Variants in CHRNB4 observed in about 807,000 individuals in gnomAD.
CHRNB4 encodes the protein neuronal acetylcholine receptor subunit beta-4.
CHRNB4 carries 23 observed loss-of-function variants against 40.4 expected under a neutral mutation model. The observed-to-expected ratio is 0.57, with a 90% CI of 0.41 to 0.81. The LOEUF is 0.81. Among genes scored for constraint, CHRNB4 ranks in the 30% least tolerant of loss-of-function variants. CHRNB4 has a pLI of 0.00. For synonymous variants in CHRNB4, 285 were observed against 274.4 expected, an observed-to-expected ratio of 1.04 and a Z score of -0.38; for missense variants, 568 against 670.6, an observed-to-expected ratio of 0.85 and a Z score of 1.69.
chr15:78,625,298 GCAGA>G lies in CHRNB4; in HGVS notation c.1339-11_1339-8del, dbSNP rs2053627063. On this transcript the variant is annotated splice_polypyrimidine_tract_variant and splice_region_variant and intron_variant, in intron 5 of 5. Transcript: ENST00000261751. The stretch of plus-strand genomic sequence containing the variant: ...ACTTCCAGTCCTCAACGACCTGCAG[GCAGA>G]CAGAGGAGTTGGTCACAGGTGCCAA... The G allele has an allele frequency of 2.0e-6, 3 of 1,528,668 alleles. No individual in the cohort carries two copies. Among genetic ancestry groups the G allele is most frequent in the Non-Finnish European group, 2.6e-6 (3 of 1,140,146 alleles). 94.7% of individuals were successfully genotyped at this position (1,528,668 alleles called of 1,614,324 possible). A position where few individuals can be genotyped will look rare whatever the true frequency, so the allele number is the denominator to read the frequency against.
intron 5 of CHRNB4, among the ~76,000 whole-genome samples, chr15:78,654,300 T>C (rs2054195215): frequency 6.6e-6 from 1 of 152,228 alleles, no homozygotes; most frequent in African/African-American, 2.4e-5. Flanking sequence ...TCTGCCCTGA[T>C]GGGGTCTGAT....
At position 78,641,176 on chromosome 15, in the gene CHRNB4, G is replaced by T. The variant is rs371853459; in HGVS notation, c.-43C>A. ...GGCAGCCGCCGCGAGCTCCGCTGTG[G>T]GGTCACAGGGCACCCGTGAGCCGCG... On this transcript the variant is annotated 5_prime_UTR_variant, in exon 1 of 6. Transcript: ENST00000261751. The T allele has an allele frequency of 4.6e-6, 7 of 1,515,492 alleles. No individual in the cohort carries two copies. The highest frequency in any genetic ancestry group is 6.2e-6 in the Non-Finnish European group (7 of 1,132,186). 93.9% of individuals were successfully genotyped at this position (1,515,492 alleles called of 1,614,324 possible).
At chr15:78,654,586 T>C (rs927409793) in intron 5 of CHRNB4, among the ~76,000 whole-genome samples, 1 of 152,074 alleles carries the variant, frequency 6.6e-6, no homozygotes, top group African/African-American at 2.4e-5. Flanking sequence ...AGATCAAGAG[T>C]ATCTTCCGTG....
Position 78,641,062 on chromosome 15 carries a change from C to T in CHRNB4, c.55+17G>A, listed in dbSNP as rs764612553. 13 of 1,567,518 alleles carry T rather than the reference C, an allele frequency of 8.3e-6. No homozygotes were observed. In the Admixed American group the frequency reaches 9.4e-5, roughly 11 times the overall value. Reference sequence around the variant, plus strand: ...CCAACCCAGGCGCCCCTCCCTCCTTCCCCGAAAAGAACTCACCGCGCCCGC... The same window carrying T: ...CCAACCCAGGCGCCCCTCCCTCCTTTCCCGAAAAGAACTCACCGCGCCCGC... On this transcript the variant is annotated intron_variant, in intron 1 of 5. Coordinates refer to ENST00000261751, the MANE Select transcript of CHRNB4 (RefSeq NM_000750.5).
Position 78,631,182 on chromosome 15 carries a change from A to C in CHRNB4, c.253T>G (p.Trp85Gly). The change falls in exon 4 of 6, where the codon TGG (tryptophan) becomes GGG (glycine). Residue 85 changes from tryptophan to glycine, a missense_variant. Physicochemically the swap from Trp to Gly is radical, Grantham distance 184. This residue lies in a region of CHRNB4 where 161 missense variants were observed against 148.1 expected (regional missense o/e 1.09). Coordinates refer to ENST00000261751, the MANE Select transcript of CHRNB4 (RefSeq NM_000750.5). ...MTTNVWLKQE[W>G]TDYRLTWNSS... ...TTCCAGGTCAGGCGGTAATCAGTCC[A>C]TTCCTGGACAGACAGGCAAGGCCCT... 6.2e-7 allele frequency: 1 copy of C among 1,614,172 alleles called. No homozygotes were observed. Among genetic ancestry groups the C allele is most frequent in the African/African-American group, 1.3e-5 (1 of 75,050 alleles).
At chr15:78,656,959 A>G (rs2054218966) in intron 3 of CHRNB4, among the ~76,000 whole-genome samples, 1 of 152,168 alleles carries the variant, frequency 6.6e-6, no homozygotes, top group Non-Finnish European at 1.5e-5. Flanking sequence ...CCAGGCATGT[A>G]TCTCTCATAA....
At chr15:78,636,172 G>GC (rs2053945793) in intron 1 of CHRNB4, among the ~76,000 whole-genome samples, 1 of 152,142 alleles carries the variant, frequency 6.6e-6, no homozygotes, top group South Asian at 2.1e-4. Flanking sequence ...CACTCAAAGT[G>GC]CTGGGATTAC....
chr15:78,625,232 G>T lies in CHRNB4; in HGVS notation c.1398C>A (p.Phe466Leu). Residue 466 changes from phenylalanine (F) to leucine (L), a missense_variant, in exon 6 of 6, where the codon TTC (phenylalanine) becomes TTA (leucine). Physicochemically the swap from Phe to Leu is conservative, Grantham distance 22. Around this residue, in one of 4 missense-constraint regions of CHRNB4, gnomAD observed 242 missense variants for 274.9 expected, o/e 0.88. Coordinates refer to ENST00000261751, the MANE Select transcript of CHRNB4 (RefSeq NM_000750.5). Reference sequence around the variant, plus strand: ...CAGTGCCCAGGACGCACACAAACATGAACACCCACAGGAACAGCCGGTCCA... The same window carrying T: ...CAGTGCCCAGGACGCACACAAACATTAACACCCACAGGAACAGCCGGTCCA... Reference protein sequence around the residue: ...MVVDRLFLWVFMFVCVLGTVG... With the variant: ...MVVDRLFLWVLMFVCVLGTVG... The T allele has an allele frequency of 6.3e-7, 1 of 1,585,966 alleles. No homozygotes were observed. The highest frequency in any genetic ancestry group is 8.6e-7 in the Non-Finnish European group (1 of 1,166,596).
In CHRNB4 at chr15:78,630,992, G is replaced by T. The variant is rs1035690644; in HGVS notation, c.359+84C>A. 35 of 1,043,918 alleles carry T rather than the reference G, an allele frequency of 3.4e-5. No individual in the cohort carries two copies. The East Asian group carries it at 7.9e-4, about 23-fold the overall frequency. The allele number at this position is 1,043,918 out of a possible 1,614,324, so 64.7% of individuals were successfully genotyped here. A position where few individuals can be genotyped will look rare whatever the true frequency, so the allele number is the denominator to read the frequency against. ...TAAAGCAGAGATGGGGCTCAGGGTT[G>T]GACTCAGGCCTGGATGACTCTTAGG... On this transcript the variant is annotated intron_variant, in intron 4 of 5. Coordinates refer to ENST00000261751, the MANE Select transcript of CHRNB4 (RefSeq NM_000750.5).
At position 78,635,427 on chromosome 15, in the gene CHRNB4, C is replaced by A. The variant is rs1016645699; in HGVS notation, c.204+12G>T. ...CACCTGAGCCTGAGCCACAGCTGCC[C>A]TCTGCACCTACCACGCTGATAAGCT... On this transcript the variant is annotated intron_variant, in intron 2 of 5. Coordinates refer to ENST00000261751, the MANE Select transcript of CHRNB4 (RefSeq NM_000750.5). The A allele has an allele frequency of 2.5e-6, 4 of 1,612,874 alleles. No homozygotes were observed. The African/African-American group carries it at 4.0e-5, about 16-fold the overall frequency.
chr15:78,641,268 C>T (rs966511147), upstream of CHRNB4: 5 of 717,030 alleles, frequency 7.0e-6, no homozygotes, highest in African/African-American at 1.9e-5. Flanking sequence ...TAGGACCCCG[C>T]GGAGAGCCCC....
chr15:78,661,559 CT>C, upstream of CHRNB4: 2 of 537,100 alleles, frequency 3.7e-6, no homozygotes. Context: ...TCTTGGGCTC[CT>C]TGCGCGGAAC....
At chr15:78,661,107 G>T, upstream of CHRNB4, 1 of 611,972 alleles carries the variant, frequency 1.6e-6, no homozygotes, top group Non-Finnish European at 3.2e-6. Flanking sequence ...CCTTGGAGCG[G>T]ACGTAGGCTT....
At chr15:78,632,233 CTCTCTCTCTCTCTCTCTCTCTCTT>C (rs2053844119) in intron 2 of CHRNB4, among the ~76,000 whole-genome samples, 7 of 86,656 alleles carry the variant, frequency 8.1e-5, no homozygotes, top group African/African-American at 5.7e-4. Context: ...CTCTCTCTCT[CTCTCTCTCTCTCTCTCTCTCTCTT>C]TCTTTCTTTC....
At chr15:78,632,555 T>C (rs148060452) in intron 2 of CHRNB4, among the ~76,000 whole-genome samples, 1 of 152,108 alleles carries the variant, frequency 6.6e-6, no homozygotes, top group East Asian at 1.9e-4. Flanking sequence ...AAGTGATCCA[T>C]GCATCTCAGC....
upstream of CHRNB4, among the ~76,000 whole-genome samples, chr15:78,645,282 G>A (rs887555852): frequency 6.6e-6 from 1 of 152,066 alleles, no homozygotes; most frequent in African/African-American, 2.4e-5. Context: ...CCTTTCTCTT[G>A]GATGCCACAA....
rs565948746 is a variant in CHRNB4 at position 78,638,635 on chromosome 15, G to GA, written c.55+2443_55+2444insT. Among the ~76,000 whole-genome samples, 24 of 152,080 alleles carry GA rather than the reference G, an allele frequency of 1.6e-4. No homozygotes were observed. In the East Asian group the frequency reaches 3.1e-3, roughly 20 times the overall value. ...AGTGTATGGCCGGGGGGCCGGGGGG[G>GA]TGGTGCACTGAAGGGTGGGAATAAA... On this transcript the variant is annotated intron_variant, in intron 1 of 5. Coordinates refer to ENST00000261751, the MANE Select transcript of CHRNB4 (RefSeq NM_000750.5).
chr15:78,641,349 CCCCA>C (rs141573287), upstream of CHRNB4: 143 of 472,044 alleles, frequency 3.0e-4, 1 homozygote, highest in East Asian at 4.9e-3. Flanking sequence ...GTGGTCTGGA[CCCCA>C]CCTGCCGCCT....
chr15:78,654,280 G>A (rs1190004759), intron 5 of CHRNB4, among the ~76,000 whole-genome samples: 3 of 152,238 alleles, frequency 2.0e-5, no homozygotes, highest in Non-Finnish European at 4.4e-5. Flanking sequence ...GGCAGATGTT[G>A]ATTTTTAAGT....
Sources: allele counts gnomAD v4.1 joint callset (sites outside exome capture counted in the v4.1 genomes callset), GRCh38; gene constraint gnomAD v4.1.1; regional missense constraint gnomAD v4.1.1; transcripts MANE v1.5; gene names NCBI Gene and HGNC (gene_info 2026-07-23, HGNC 2026-07-21).